Variants in SOX5 observed in about 807,000 individuals in gnomAD.
SOX5 encodes transcription factor SOX-5.
In SOX5, 9 loss-of-function variants were observed where a neutral mutation model predicts 92.0. The observed-to-expected ratio is 0.10, with a 90% CI of 0.06 to 0.17. SOX5 has a LOEUF of 0.17. Among genes scored for constraint, SOX5 ranks in the 10% least tolerant of loss-of-function variants. The probability of loss-of-function intolerance (pLI) is 1.00; values close to 1 mark genes in which losing one functional copy is unlikely to be tolerated. For missense variants in SOX5, 642 were observed against 944.5 expected (o/e 0.68, Z 4.20); for synonymous variants, 344 against 336.3 (o/e 1.02, Z -0.25).
intron 4 of SOX5, among the ~76,000 whole-genome samples, chr12:24,136,902 A>T (rs1363507549): frequency 6.6e-6 from 1 of 152,204 alleles, no homozygotes; most frequent in Non-Finnish European, 1.5e-5. Context: ...GCTCAAATAA[A>T]TTAGAGTTTT....
chr12:24,516,548 A>T (rs1949808928), intron 1 of SOX5, among the ~76,000 whole-genome samples: 1 of 152,210 alleles, frequency 6.6e-6, no homozygotes, highest in African/African-American at 2.4e-5. Context: ...TGCCTTTCTT[A>T]CTAAGCCCTA....
At chr12:24,109,855 C>T (rs1025542303) in intron 4 of SOX5, among the ~76,000 whole-genome samples, 5 of 152,134 alleles carry the variant, frequency 3.3e-5, no homozygotes, top group African/African-American at 9.7e-5. Flanking sequence ...CAGTCCATGT[C>T]CTAGTTTCCA....
At chr12:23,970,841 A>ATATTTTTTTTTTTTTTTTTTT in intron 4 of SOX5, among the ~76,000 whole-genome samples, 2 of 21,884 alleles carry the variant, frequency 9.1e-5, no homozygotes, top group South Asian at 4.4e-3. Context: ...TATATATATA[A>ATATTTTTTTTTTTTTTTTTTT]TTTTTTTTTT....
intron 1 of SOX5, among the ~76,000 whole-genome samples, chr12:24,404,253 C>T (rs1962423099): frequency 6.6e-6 from 1 of 152,144 alleles, no homozygotes; most frequent in African/African-American, 2.4e-5. Flanking sequence ...GCCGACCACA[C>T]ACACACACAG....
intron 4 of SOX5, among the ~76,000 whole-genome samples, chr12:24,173,153 T>C (rs1954389645): frequency 6.6e-6 from 1 of 152,190 alleles, no homozygotes; most frequent in South Asian, 2.1e-4. Context: ...ACCCATCGCA[T>C]CGTCCCACCC....
rs576901617 is a variant in SOX5 at position 23,709,519 on chromosome 12, T to G, written c.810+25165A>C. On this transcript the variant is annotated intron_variant, in intron 6 of 14. Coordinates refer to ENST00000451604, the MANE Select transcript of SOX5 (RefSeq NM_006940.6). ...ACTCAAAGGGCAATATTCTCACAAT[T>G]CAGATGTATTAACAAGTACCCTCAG... Among the ~76,000 whole-genome samples, 193 of 152,270 alleles carry G rather than the reference T, an allele frequency of 1.3e-3. 1 individual carries two copies. The highest frequency in any genetic ancestry group is 4.3e-3 in the African/African-American group (180 of 41,558).
chr12:23,551,915 C>A (rs538215689), intron 11 of SOX5, among the ~76,000 whole-genome samples: 1 of 151,694 alleles, frequency 6.6e-6, no homozygotes, highest in East Asian at 1.9e-4. Flanking sequence ...GACTCAACTT[C>A]TTAGTAGGTT....
Position 24,224,357 on chromosome 12 carries a change from G to A in SOX5, c.-76-10940C>T, listed in dbSNP as rs535657300. Reference sequence around the variant, plus strand: ...TCTTTTTTTCTTTCTTTTTTTTTTCGCCTTTTTAAATATAAATTATCTAGA... The same window carrying A: ...TCTTTTTTTCTTTCTTTTTTTTTTCACCTTTTTAAATATAAATTATCTAGA... On this transcript the variant is annotated intron_variant, in intron 3 of 4. Transcript: ENST00000446891. Among the ~76,000 whole-genome samples, 9 of 144,854 alleles carry A rather than the reference G, an allele frequency of 6.2e-5. No individual in the cohort carries two copies. The South Asian group carries it at 8.7e-4, about 14-fold the overall frequency.
rs910658711 is a variant in SOX5, at chr12:23,534,126, T to C, written c.*93A>G. 1.8e-5 allele frequency: 18 copies of C among 985,076 alleles called. No homozygotes were observed. In the African/African-American group the frequency reaches 1.9e-4, roughly 11 times the overall value. 61.0% of individuals were successfully genotyped at this position (985,076 alleles called of 1,614,324 possible). On this transcript the variant is annotated 3_prime_UTR_variant, in exon 15 of 15. Coordinates refer to ENST00000451604, the MANE Select transcript of SOX5 (RefSeq NM_006940.6). ...GACTAACAGTTAAAGTAACAGTCAG[T>C]GTATGAGAAAGTTAATGTGCTTGGC...
intron 1 of SOX5, among the ~76,000 whole-genome samples, chr12:23,909,662 G>C (rs955099520): frequency 6.6e-6 from 1 of 152,140 alleles, no homozygotes; most frequent in Non-Finnish European, 1.5e-5. Context: ...AGGCCCAGCT[G>C]TATAAACCAG....
At chr12:24,526,586 G>A (rs773324340) in intron 1 of SOX5, among the ~76,000 whole-genome samples, 2 of 152,144 alleles carry the variant, frequency 1.3e-5, no homozygotes, top group Non-Finnish European at 2.9e-5. Flanking sequence ...AATGCAGATG[G>A]GAGAGGAAGT....
intron 4 of SOX5, among the ~76,000 whole-genome samples, chr12:24,007,049 C>CT (rs1228208267): frequency 1.3e-3 from 197 of 148,896 alleles, no homozygotes; most frequent in Non-Finnish European, 2.2e-3. Context: ...AGGAGAACCA[C>CT]TTGAACCCAG....
intron 6 of SOX5, among the ~76,000 whole-genome samples, chr12:23,706,335 A>G (rs2091387919): frequency 6.6e-6 from 1 of 152,122 alleles, no homozygotes; most frequent in African/African-American, 2.4e-5. Context: ...TGTTATTAGA[A>G]TGCACATAAA....
At chr12:24,145,061 T>C (rs1950938893) in intron 4 of SOX5, among the ~76,000 whole-genome samples, 1 of 151,690 alleles carries the variant, frequency 6.6e-6, no homozygotes, top group Non-Finnish European at 1.5e-5. Flanking sequence ...GCCATTGCAC[T>C]CCACCCTGTG....
chr12:24,142,904 C>T (rs1454924821), intron 4 of SOX5, among the ~76,000 whole-genome samples: 1 of 150,800 alleles, frequency 6.6e-6, no homozygotes, highest in Non-Finnish European at 1.5e-5. Flanking sequence ...AGAGGGCCCT[C>T]CTTAAGTATT....
At chr12:24,213,601 A>T in intron 3 of SOX5, among the ~76,000 whole-genome samples, 1 of 149,068 alleles carries the variant, frequency 6.7e-6, no homozygotes, top group East Asian at 1.9e-4. Context: ...CATTATAATA[A>T]TTTTTTTTTT....
At chr12:23,922,622 C>T (rs185800221) in intron 1 of SOX5, among the ~76,000 whole-genome samples, 3 of 152,168 alleles carry the variant, frequency 2.0e-5, no homozygotes, top group Admixed American at 2.0e-4. Flanking sequence ...AAATGAGATC[C>T]GATAGATAAA....
At chr12:23,608,108 G>GAAAA (rs1566278538) in intron 8 of SOX5, among the ~76,000 whole-genome samples, 599 of 5,674 alleles carry the variant, frequency 0.11, 22 homozygotes, top group African/African-American at 0.15. Context: ...TGTCTCAAAA[G>GAAAA]AAAAAAGAAA....
chr12:24,200,842 G>A (rs1957446950), intron 4 of SOX5, among the ~76,000 whole-genome samples: 1 of 152,132 alleles, frequency 6.6e-6, no homozygotes, highest in Admixed American at 6.5e-5. Flanking sequence ...TCCACCTAGA[G>A]AATTCTCAAA....
Sources: gnomAD v4.1 joint callset for allele counts (sites outside exome capture counted in the v4.1 genomes callset) on GRCh38, gnomAD v4.1.1 for gene constraint, MANE v1.5 for transcripts, NCBI Gene and HGNC (gene_info 2026-07-23, HGNC 2026-07-21) for gene names.